Variants in FRMD4A observed in about 807,000 individuals in gnomAD.
FRMD4A encodes the protein FERM domain-containing protein 4A.
A neutral mutation model predicts 129.1 loss-of-function variants in FRMD4A; 29 were observed. That is an observed-to-expected ratio of 0.22 (90% CI 0.17 to 0.31). The LOEUF (loss-of-function observed/expected upper bound fraction) is 0.31, where lower values mean the gene tolerates loss of function less well. FRMD4A is among the 10% of genes least tolerant of loss of function. FRMD4A has a pLI of 1.00. For missense variants in FRMD4A, 1,272 were observed against 1,375.8 expected (o/e 0.92, Z 1.19); for synonymous variants, 634 against 571.6 (o/e 1.11, Z -1.56).
chr10:14,196,708 T>C (rs1339136082), intron 2 of FRMD4A, among the ~76,000 whole-genome samples: 4 of 152,238 alleles, frequency 2.6e-5, no homozygotes, highest in African/African-American at 9.6e-5. Context: ...ATGCCATTCT[T>C]AATGTAAATT....
intron 2 of FRMD4A, among the ~76,000 whole-genome samples, chr10:14,023,713 G>A (rs1832864981): frequency 6.6e-6 from 1 of 152,094 alleles, no homozygotes. Flanking sequence ...GTTGCAGTGC[G>A]TGCCCTGCAG....
chr10:14,292,412 T>C (rs941267715), intron 2 of FRMD4A, among the ~76,000 whole-genome samples: 4 of 152,232 alleles, frequency 2.6e-5, no homozygotes, highest in African/African-American at 7.2e-5. Flanking sequence ...CAATCAATGA[T>C]GCAGAGACAT....
At chr10:13,804,714 C>CTTTTTTTT (rs35111872) in intron 4 of FRMD4A, among the ~76,000 whole-genome samples, 3 of 127,748 alleles carry the variant, frequency 2.3e-5, no homozygotes, top group Non-Finnish European at 3.3e-5. Context: ...CCAGCTAATT[C>CTTTTTTTT]TTTTTTTTTT....
At chr10:13,752,896 C>A (rs373056685) in intron 8 of FRMD4A, among the ~76,000 whole-genome samples, 2 of 152,184 alleles carry the variant, frequency 1.3e-5, no homozygotes, top group African/African-American at 4.8e-5. Context: ...CCACTTGCTG[C>A]GCATATCCAT....
chr10:13,661,190 T>C (rs2082614249), intron 19 of FRMD4A, among the ~76,000 whole-genome samples: 1 of 152,248 alleles, frequency 6.6e-6, no homozygotes, highest in African/African-American at 2.4e-5. Context: ...TTTAAGGAGA[T>C]GAGCTACAAA....
intron 2 of FRMD4A, among the ~76,000 whole-genome samples, chr10:14,291,506 G>C (rs1589272350): frequency 6.6e-6 from 1 of 152,104 alleles, no homozygotes; most frequent in South Asian, 2.1e-4. Flanking sequence ...TGGCTTAATA[G>C]AGTAATGTAA....
chr10:14,257,735 A>G (rs536668777), intron 2 of FRMD4A, among the ~76,000 whole-genome samples: 1 of 152,338 alleles, frequency 6.6e-6, no homozygotes, highest in African/African-American at 2.4e-5. Context: ...TGTGCCTGCA[A>G]GCCAAAGCAC....
intron 2 of FRMD4A, among the ~76,000 whole-genome samples, chr10:14,016,037 A>T (rs1489736794): frequency 6.6e-6 from 1 of 152,166 alleles, no homozygotes; most frequent in African/African-American, 2.4e-5. Flanking sequence ...TGCTTATTGG[A>T]AGAGTTTTCT....
intron 2 of FRMD4A, among the ~76,000 whole-genome samples, chr10:13,864,210 G>A (rs1056299375): frequency 1.3e-5 from 2 of 151,700 alleles, no homozygotes; most frequent in African/African-American, 2.4e-5. Flanking sequence ...TGGCCAGGCT[G>A]GTCTCGAACT....
intron 2 of FRMD4A, among the ~76,000 whole-genome samples, chr10:13,874,081 A>T (rs990908138): frequency 1.3e-5 from 2 of 151,050 alleles, no homozygotes; most frequent in Non-Finnish European, 2.9e-5. Context: ...CCTCGTCTCT[A>T]CTAAAAATAC....
chr10:14,172,861 C>T (rs1405108253), intron 2 of FRMD4A, among the ~76,000 whole-genome samples: 8 of 152,156 alleles, frequency 5.3e-5, no homozygotes, highest in African/African-American at 1.9e-4. Flanking sequence ...GAGTTAGAGC[C>T]TTTGTAACAA....
At chr10:14,164,105 G>A (rs1409292791) in intron 2 of FRMD4A, among the ~76,000 whole-genome samples, 5 of 152,188 alleles carry the variant, frequency 3.3e-5, no homozygotes, top group Admixed American at 3.3e-4. Flanking sequence ...GGCACGTGAT[G>A]GAAAAGGCTG....
At chr10:14,323,205 G>A (rs1843133995) in intron 2 of FRMD4A, among the ~76,000 whole-genome samples, 1 of 152,206 alleles carries the variant, frequency 6.6e-6, no homozygotes, top group Non-Finnish European at 1.5e-5. Context: ...GATGGATTTT[G>A]TCTCATGTAA....
chr10:14,177,997 C>T (rs1384794306), intron 2 of FRMD4A, among the ~76,000 whole-genome samples: 1 of 152,200 alleles, frequency 6.6e-6, no homozygotes, highest in African/African-American at 2.4e-5. Flanking sequence ...TGAATGCTTA[C>T]CTGGTGGCAG....
At chr10:13,989,996 G>C (rs2095597709) in intron 2 of FRMD4A, among the ~76,000 whole-genome samples, 3 of 152,196 alleles carry the variant, frequency 2.0e-5, no homozygotes. Context: ...TCTCACTCTA[G>C]GTTAGACCCC....
intron 12 of FRMD4A, among the ~76,000 whole-genome samples, chr10:13,719,869 C>G (rs2089253022): frequency 6.6e-6 from 1 of 152,196 alleles, no homozygotes; most frequent in African/African-American, 2.4e-5. Flanking sequence ...CCTCATTACT[C>G]TGTGTTCTTT....
At chr10:14,100,547 C>T (rs369039024) in intron 2 of FRMD4A, among the ~76,000 whole-genome samples, 2 of 152,234 alleles carry the variant, frequency 1.3e-5, no homozygotes, top group South Asian at 2.1e-4. Flanking sequence ...AGACGTCAAC[C>T]TTTCCATATG....
chr10:13,857,847 T>C (rs2094235176), intron 3 of FRMD4A, among the ~76,000 whole-genome samples: 1 of 152,224 alleles, frequency 6.6e-6, no homozygotes, highest in Admixed American at 6.5e-5. Flanking sequence ...GGTAAACTTT[T>C]AAAGTCAGAG....
At chr10:14,093,702 C>G (rs11258860) in intron 2 of FRMD4A, among the ~76,000 whole-genome samples, 64,962 of 152,058 alleles carry the variant, frequency 0.43, 14,110 homozygotes, top group East Asian at 0.67. Flanking sequence ...GTGCTAAGAG[C>G]AGATGGCATT....
Sources: gnomAD v4.1 joint callset for allele counts (sites outside exome capture counted in the v4.1 genomes callset) on GRCh38, gnomAD v4.1.1 for gene constraint, MANE v1.5 for transcripts, NCBI Gene and HGNC (gene_info 2026-07-23, HGNC 2026-07-21) for gene names.